Variants in LRRC18 observed in about 807,000 individuals in gnomAD.
LRRC18 encodes the protein leucine-rich repeat-containing protein 18.
Under a neutral mutation model 11.2 loss-of-function variants are expected in LRRC18, and 12 were observed. The observed-to-expected ratio is 1.07, with a 90% CI of 0.69 to 1.74. LRRC18 has a LOEUF of 1.74. Among genes scored for constraint, LRRC18 ranks in the 40% most tolerant of loss-of-function variants. LRRC18 has a pLI of 0.00. For synonymous variants in LRRC18, 155 were observed against 130.6 expected, an observed-to-expected ratio of 1.19 and a Z score of -1.27; for missense variants, 374 against 330.5, an observed-to-expected ratio of 1.13 and a Z score of -1.02.
chr10:48,926,963 G>A, the LRRC18 span, among the ~76,000 whole-genome samples: 126 of 152,288 alleles, frequency 8.3e-4, no homozygotes, highest in African/African-American at 2.9e-3. Context: ...AGAGTGTGAA[G>A]ACACAGGATT....
chr10:48,913,478 G>A (rs746650659), exon 1 of LRRC18: 3 of 1,595,710 alleles, frequency 1.9e-6, no homozygotes, highest in South Asian at 2.2e-5. Flanking sequence ...TCGTGGCCAT[G>A]TTCTTGATTC....
chr10:48,911,334 T>C (rs2943246), intron 1 of LRRC18, among the ~76,000 whole-genome samples: 28,337 of 152,260 alleles, frequency 0.19, 3,592 homozygotes, highest in Non-Finnish European at 0.29. Flanking sequence ...GGTAGGCGTA[T>C]GTGTGTAAAC....
the LRRC18 span, among the ~76,000 whole-genome samples, chr10:48,937,172 G>A: frequency 6.6e-6 from 1 of 152,134 alleles, no homozygotes; most frequent in Non-Finnish European, 1.5e-5. Flanking sequence ...GGGATTACAC[G>A]TGTGAGCCAC....
At chr10:48,930,882 T>C in the LRRC18 span, among the ~76,000 whole-genome samples, 1 of 152,146 alleles carries the variant, frequency 6.6e-6, no homozygotes, top group Non-Finnish European at 1.5e-5. Flanking sequence ...AGCCCTGTGT[T>C]CTCTGGCACA....
chr10:48,939,309 A>G, the LRRC18 span, among the ~76,000 whole-genome samples: 2 of 152,212 alleles, frequency 1.3e-5, no homozygotes, highest in African/African-American at 2.4e-5. Flanking sequence ...TGCCCACACC[A>G]ATGCTAGCCT....
chr10:48,911,526 T>C (rs1242337658), intron 1 of LRRC18, among the ~76,000 whole-genome samples: 1 of 152,226 alleles, frequency 6.6e-6, no homozygotes, highest in Non-Finnish European at 1.5e-5. Context: ...AACTTAAAGG[T>C]ACAACAGTAA....
upstream of LRRC18, among the ~76,000 whole-genome samples, chr10:48,914,384 T>A (rs372244999): frequency 2.8e-4 from 42 of 152,324 alleles, no homozygotes; most frequent in Admixed American, 2.5e-3. Flanking sequence ...CAGCCATAGA[T>A]TGTCAGCAAA....
the LRRC18 span, among the ~76,000 whole-genome samples, chr10:48,931,302 T>C: frequency 5.1e-4 from 78 of 152,318 alleles, no homozygotes; most frequent in African/African-American, 1.7e-3. Flanking sequence ...CAGCCAGTGC[T>C]GTCCTAGGTC....
chr10:48,919,342 A>G, the LRRC18 span, among the ~76,000 whole-genome samples: 3 of 152,238 alleles, frequency 2.0e-5, no homozygotes, highest in Non-Finnish European at 4.4e-5. Flanking sequence ...TTTGCGAAGG[A>G]ATGAAAACCC....
chr10:48,921,115 G>T, the LRRC18 span, among the ~76,000 whole-genome samples: 4 of 152,142 alleles, frequency 2.6e-5, no homozygotes, highest in African/African-American at 4.8e-5. Flanking sequence ...ATATATGGAT[G>T]AATAGATTTT....
chr10:48,913,817 C>A, exon 1 of LRRC18: 1 of 1,614,098 alleles, frequency 6.2e-7, no homozygotes, highest in Non-Finnish European at 8.5e-7. Context: ...GCTCCACGGG[C>A]AGCCCGTTGC....
chr10:48,935,899 T>C, the LRRC18 span, among the ~76,000 whole-genome samples: 3 of 39,140 alleles, frequency 7.7e-5, no homozygotes, highest in South Asian at 2.3e-3. Context: ...TGTGCATCTA[T>C]GGTCTTTTTT....
the LRRC18 span, among the ~76,000 whole-genome samples, chr10:48,936,842 AAAAAAAAAAG>A: frequency 5.3e-5 from 8 of 151,324 alleles, no homozygotes; most frequent in Non-Finnish European, 1.2e-4. Flanking sequence ...CGTCTCAAAA[AAAAAAAAAAG>A]AAAAAAAAAG....
chr10:48,912,365 G>A (rs1425081313), intron 1 of LRRC18, among the ~76,000 whole-genome samples: 2 of 152,332 alleles, frequency 1.3e-5, no homozygotes, highest in Non-Finnish European at 2.9e-5. Flanking sequence ...CCCACTTCAC[G>A]AGTGAGGGAA....
At chr10:48,912,994 T>A (rs530927200) in intron 1 of LRRC18, among the ~76,000 whole-genome samples, 1 of 152,310 alleles carries the variant, frequency 6.6e-6, no homozygotes, top group South Asian at 2.1e-4. Flanking sequence ...CCCAAAACAT[T>A]TCCATTAAAT....
At chr10:48,912,176 T>C (rs907758094) in intron 1 of LRRC18, among the ~76,000 whole-genome samples, 1 of 152,240 alleles carries the variant, frequency 6.6e-6, no homozygotes, top group Non-Finnish European at 1.5e-5. Context: ...ATTGACTTGG[T>C]TGCTGTCATT....
intron 1 of LRRC18, among the ~76,000 whole-genome samples, chr10:48,911,939 T>G (rs1021036672): frequency 6.6e-6 from 1 of 152,226 alleles, no homozygotes. Flanking sequence ...ATGTGCTGTG[T>G]GCTGTGGTTG....
At chr10:48,933,181 T>C in the LRRC18 span, among the ~76,000 whole-genome samples, 2 of 152,162 alleles carry the variant, frequency 1.3e-5, no homozygotes, top group East Asian at 3.9e-4. Context: ...CTAGATTGTA[T>C]ATGTGGACCA....
chr10:48,932,948 G>C, the LRRC18 span, among the ~76,000 whole-genome samples: 2 of 152,144 alleles, frequency 1.3e-5, no homozygotes, highest in Non-Finnish European at 2.9e-5. Flanking sequence ...GCTGAGCAAG[G>C]GCAGTGCAAG....
Sources: gnomAD v4.1 joint callset for allele counts (sites outside exome capture counted in the v4.1 genomes callset) on GRCh38, gnomAD v4.1.1 for gene constraint, MANE v1.5 for transcripts, NCBI Gene and HGNC (gene_info 2026-07-23, HGNC 2026-07-21) for gene names.